Variants in RBMS1 observed in about 807,000 individuals in gnomAD.
RBMS1 encodes the protein RNA binding motif single stranded interacting protein 1, also known as RNA-binding motif, single-stranded-interacting protein 1.
Under a neutral mutation model 62.3 loss-of-function variants are expected in RBMS1, and 17 were observed. The observed-to-expected ratio is 0.27, with a 90% CI of 0.19 to 0.41. The LOEUF (loss-of-function observed/expected upper bound fraction) is 0.41, where lower values mean the gene tolerates loss of function less well. RBMS1 is among the 10% of genes least tolerant of loss of function. The pLI is 1.00. For synonymous variants in RBMS1, 172 were observed against 170.0 expected, an observed-to-expected ratio of 1.01 and a Z score of -0.09; for missense variants, 334 against 504.5, an observed-to-expected ratio of 0.66 and a Z score of 3.24.
At chr2:160,355,253 T>G (rs780070979) in intron 2 of RBMS1, among the ~76,000 whole-genome samples, 5 of 152,114 alleles carry the variant, frequency 3.3e-5, no homozygotes, top group African/African-American at 1.2e-4. Context: ...CTGTTTCAGC[T>G]GACAGAATGT....
intron 1 of RBMS1, among the ~76,000 whole-genome samples, chr2:160,453,765 C>T (rs768644079): frequency 2.6e-5 from 4 of 152,180 alleles, no homozygotes; most frequent in Admixed American, 6.5e-5. Flanking sequence ...CTATCTTTCT[C>T]GTGTCATCTC....
chr2:160,339,703 T>A (rs199764013), intron 2 of RBMS1, among the ~76,000 whole-genome samples: 16 of 17,522 alleles, frequency 9.1e-4, no homozygotes, highest in African/African-American at 1.3e-3. Context: ...GCAATTAAAA[T>A]ATATATATAT....
At chr2:160,310,146 A>G (rs1243955685) in intron 4 of RBMS1, among the ~76,000 whole-genome samples, 1 of 152,220 alleles carries the variant, frequency 6.6e-6, no homozygotes, top group African/African-American at 2.4e-5. Flanking sequence ...CAAATTTTCT[A>G]AAATGTAACT....
chr2:160,310,353 T>A (rs1300139821), intron 4 of RBMS1, among the ~76,000 whole-genome samples: 2 of 152,192 alleles, frequency 1.3e-5, no homozygotes, highest in Non-Finnish European at 2.9e-5. Context: ...GCATCAGCAA[T>A]ATCCAAGACA....
At chr2:160,415,459 T>C (rs867612529) in intron 1 of RBMS1, among the ~76,000 whole-genome samples, 1 of 151,918 alleles carries the variant, frequency 6.6e-6, no homozygotes, top group East Asian at 1.9e-4. Flanking sequence ...TACTAGGACC[T>C]GGGAAGAGAC....
At chr2:160,287,327 C>A (rs895674609) in intron 6 of RBMS1, among the ~76,000 whole-genome samples, 7 of 152,134 alleles carry the variant, frequency 4.6e-5, no homozygotes, top group African/African-American at 1.4e-4. Context: ...AGGAATCTTT[C>A]GATTCACTTT....
intron 4 of RBMS1, among the ~76,000 whole-genome samples, chr2:160,308,682 A>C (rs1208357431): frequency 6.6e-6 from 1 of 152,212 alleles, no homozygotes; most frequent in Non-Finnish European, 1.5e-5. Context: ...GCACCTCTGA[A>C]CCTGAGTACT....
chr2:160,312,615 TC>T (rs1689989730), intron 4 of RBMS1, among the ~76,000 whole-genome samples: 2 of 152,136 alleles, frequency 1.3e-5, no homozygotes, highest in African/African-American at 4.8e-5. Context: ...CCATTAATAA[TC>T]AATACCTAAA....
intron 1 of RBMS1, among the ~76,000 whole-genome samples, chr2:160,458,648 T>C (rs376845997): frequency 1.2e-3 from 189 of 152,174 alleles, no homozygotes; most frequent in African/African-American, 4.3e-3. Context: ...GATACAAAAA[T>C]GAACTGGGCG....
chr2:160,458,995 T>C (rs1433251568), intron 1 of RBMS1, among the ~76,000 whole-genome samples: 1 of 152,192 alleles, frequency 6.6e-6, no homozygotes, highest in Non-Finnish European at 1.5e-5. Context: ...AAAAATCGCA[T>C]GAGCTCAAAT....
At chr2:160,299,175 G>A (rs757223053) in intron 6 of RBMS1, among the ~76,000 whole-genome samples, 29 of 152,214 alleles carry the variant, frequency 1.9e-4, no homozygotes, top group Non-Finnish European at 3.1e-4. Context: ...ATTGGAGAGA[G>A]TGATGCATAA....
At chr2:160,280,114 T>A (rs769771236) in intron 10 of RBMS1, among the ~76,000 whole-genome samples, 1 of 152,154 alleles carries the variant, frequency 6.6e-6, no homozygotes, top group Admixed American at 6.5e-5. Context: ...ATTGGCACCA[T>A]CTGTAATAGG....
At position 160,424,381 on chromosome 2, in the gene RBMS1, C is replaced by G. The variant is rs572392649; in HGVS notation, c.76-56990G>C. On this transcript the variant is annotated intron_variant, in intron 1 of 13. Coordinates refer to ENST00000348849, the MANE Select transcript of RBMS1 (RefSeq NM_016836.4). ...GTGAGAGATTGGGGGGGGGGGGAAA[C>G]AAAAAGAAAGATGTCTCATACTTAT... Among the ~76,000 whole-genome samples the G allele has an allele frequency of 5.1e-3, 693 of 134,756 alleles. 3 individuals carry two copies. Among genetic ancestry groups the G allele is most frequent in the Non-Finnish European group, 8.2e-3 (515 of 63,108 alleles). The allele number at this position is 134,756 out of a possible 152,430, so 88.4% of individuals were successfully genotyped here.
intron 2 of RBMS1, among the ~76,000 whole-genome samples, chr2:160,365,379 T>C (rs1693339748): frequency 6.6e-6 from 1 of 152,178 alleles, no homozygotes; most frequent in Non-Finnish European, 1.5e-5. Context: ...CAAAGCGTTA[T>C]TGCTGCTATT....
chr2:160,476,467 A>G (rs926267919), intron 1 of RBMS1, among the ~76,000 whole-genome samples: 2 of 151,898 alleles, frequency 1.3e-5, no homozygotes, highest in African/African-American at 4.8e-5. Context: ...AACAAAAAAT[A>G]TGGATTCAAT....
At chr2:160,288,966 A>C (rs78387517) in intron 6 of RBMS1, among the ~76,000 whole-genome samples, 15,197 of 152,206 alleles carry the variant, frequency 0.1, 1,030 homozygotes, top group East Asian at 0.26. Context: ...CAGGCCACCT[A>C]AACAGGCAGG....
In RBMS1 at chr2:160,493,438, C is replaced by G; in HGVS notation, c.-75G>C. On this transcript the variant is annotated 5_prime_UTR_variant, in exon 1 of 14. Transcript: ENST00000348849. ...CCAAGTCTCGGGCTCTCCTGCCTCT[C>G]CCTTTCCGGCGGCGGCGGCAGCGGC... The G allele has an allele frequency of 6.9e-7, 1 of 1,451,026 alleles. No individual in the cohort carries two copies. The highest frequency in any genetic ancestry group is 1.7e-4 in the Middle Eastern group (1 of 5,758). 89.9% of individuals were successfully genotyped at this position (1,451,026 alleles called of 1,614,324 possible). A position where few individuals can be genotyped will look rare whatever the true frequency, so the allele number is the denominator to read the frequency against.
At chr2:160,291,719 T>C (rs1278560187) in intron 6 of RBMS1, among the ~76,000 whole-genome samples, 1 of 152,214 alleles carries the variant, frequency 6.6e-6, no homozygotes, top group Non-Finnish European at 1.5e-5. Context: ...TCATGTTACC[T>C]GATTATATAT....
intron 1 of RBMS1, among the ~76,000 whole-genome samples, chr2:160,418,947 A>T (rs1696309204): frequency 6.6e-6 from 1 of 152,214 alleles, no homozygotes. Flanking sequence ...AATAAGCAAT[A>T]TATTAAAAAT....
Sources: allele counts gnomAD v4.1 joint callset (sites outside exome capture counted in the v4.1 genomes callset), GRCh38; gene constraint gnomAD v4.1.1; transcripts MANE v1.5; gene names NCBI Gene and HGNC (gene_info 2026-07-23, HGNC 2026-07-21).